PCDH9: variants seen among roughly 807,000 people sequenced by gnomAD.
PCDH9 encodes protocadherin-9.
In PCDH9, 24 loss-of-function variants were observed where a neutral mutation model predicts 70.6. The observed-to-expected ratio is 0.34, with a 90% CI of 0.25 to 0.48. The LOEUF is 0.48. PCDH9 is among the 20% of genes least tolerant of loss of function. The pLI is 0.99. For missense variants in PCDH9, 1,281 were observed against 1,503.6 expected, an observed-to-expected ratio of 0.85 and a Z score of 2.45; for synonymous variants, 562 against 558.5, an observed-to-expected ratio of 1.01 and a Z score of -0.09.
chr13:66,836,961 G>A (rs2081032125), intron 3 of PCDH9, among the ~76,000 whole-genome samples: 1 of 152,108 alleles, frequency 6.6e-6, no homozygotes, highest in African/African-American at 2.4e-5. Context: ...AAAAGCTCCA[G>A]TATTTAAAAT....
chr13:66,848,283 C>CT (rs1336686265), intron 3 of PCDH9, among the ~76,000 whole-genome samples: 1 of 152,152 alleles, frequency 6.6e-6, no homozygotes, highest in Non-Finnish European at 1.5e-5. Flanking sequence ...AACTAACATA[C>CT]TTTTTAAACT....
At chr13:66,989,350 T>C (rs1004152607) in intron 2 of PCDH9, among the ~76,000 whole-genome samples, 5 of 151,930 alleles carry the variant, frequency 3.3e-5, no homozygotes, top group Admixed American at 2.6e-4. Context: ...GAAAGTCACA[T>C]CACTATTAGG....
intron 2 of PCDH9, among the ~76,000 whole-genome samples, chr13:67,088,739 G>T (rs2086158918): frequency 6.6e-6 from 1 of 152,020 alleles, no homozygotes; most frequent in Non-Finnish European, 1.5e-5. Flanking sequence ...TAAGAACTAG[G>T]TGTCCTAAGT....
intron 4 of PCDH9, among the ~76,000 whole-genome samples, chr13:66,483,895 A>G (rs1448351564): frequency 6.6e-6 from 1 of 152,090 alleles, no homozygotes; most frequent in African/African-American, 2.4e-5. Context: ...GGACATCGAG[A>G]GAAGCAGATG....
At chr13:66,963,246 C>A (rs2083377797) in intron 2 of PCDH9, among the ~76,000 whole-genome samples, 1 of 152,170 alleles carries the variant, frequency 6.6e-6, no homozygotes, top group African/African-American at 2.4e-5. Context: ...AGGCCAGAGA[C>A]TGGTACCGGT....
intron 3 of PCDH9, among the ~76,000 whole-genome samples, chr13:66,700,615 T>C (rs1172477878): frequency 6.6e-6 from 1 of 152,080 alleles, no homozygotes; most frequent in Non-Finnish European, 1.5e-5. Flanking sequence ...TTGAAAATAC[T>C]GGTGATTAAT....
chr13:67,069,017 C>T (rs2085706736), intron 2 of PCDH9, among the ~76,000 whole-genome samples: 1 of 152,118 alleles, frequency 6.6e-6, no homozygotes, highest in Non-Finnish European at 1.5e-5. Context: ...GTCTTCCTGA[C>T]ATTTTTAAAA....
chr13:66,732,301 T>A (rs1286325476), intron 3 of PCDH9, among the ~76,000 whole-genome samples: 1 of 151,910 alleles, frequency 6.6e-6, no homozygotes, highest in East Asian at 1.9e-4. Context: ...TATTTTGAAA[T>A]ATACAGTAAA....
At chr13:66,698,918 G>GTTTTTT (rs2078599439) in intron 3 of PCDH9, among the ~76,000 whole-genome samples, 1 of 71,106 alleles carries the variant, frequency 1.4e-5, no homozygotes, top group Non-Finnish European at 2.6e-5. Flanking sequence ...TTTTTTTTTT[G>GTTTTTT]TTGTTGTTGT....
rs111795202 is a variant in PCDH9, at chr13:66,652,518, T to C, written c.3139-21107A>G. Among the ~76,000 whole-genome samples the C allele has an allele frequency of 1.6e-3, 239 of 152,106 alleles. 1 individual carries two copies. The highest frequency in any genetic ancestry group is 5.4e-3 in the African/African-American group (223 of 41,538). On this transcript the variant is annotated intron_variant, in intron 3 of 4. Transcript: ENST00000377865. ...AAGGAAAGATATCTATGTTCATGAATTGGAAGAATCAATATTGTTAAAATG... is the reference window on the plus strand; with the variant it reads ...AAGGAAAGATATCTATGTTCATGAACTGGAAGAATCAATATTGTTAAAATG...
chr13:66,384,452 T>C (rs1462060278), intron 4 of PCDH9, among the ~76,000 whole-genome samples: 2 of 152,200 alleles, frequency 1.3e-5, no homozygotes, highest in African/African-American at 2.4e-5. Flanking sequence ...TAATGCTTGA[T>C]ACACTTACAC....
intron 4 of PCDH9, among the ~76,000 whole-genome samples, chr13:66,483,814 C>A (rs996462501): frequency 2.0e-5 from 3 of 152,156 alleles, no homozygotes; most frequent in Non-Finnish European, 2.9e-5. Flanking sequence ...CAAGACCACC[C>A]TGGCCTGCCA....
intron 3 of PCDH9, among the ~76,000 whole-genome samples, chr13:66,730,876 G>GTTT (rs758928616): frequency 0.037 from 1,710 of 46,268 alleles, 114 homozygotes; most frequent in Admixed American, 0.058. Context: ...GTGTGTGTGT[G>GTTT]TTTTTTTTTT....
rs113339350 is a variant in PCDH9 at position 66,637,881 on chromosome 13, C to G, written c.3139-6470G>C. Among the ~76,000 whole-genome samples the G allele has an allele frequency of 7.8e-3, 1,177 of 151,276 alleles. 19 individuals are homozygous for G. The highest frequency in any genetic ancestry group is 0.027 in the African/African-American group (1,118 of 41,196). ...GTGAGCCGAGATCATGCCACTGAAC[C>G]CTAGCCTGGGCGAGAGAGCAAGACT... On this transcript the variant is annotated intron_variant, in intron 3 of 4. Coordinates refer to ENST00000377865, the MANE Select transcript of PCDH9 (RefSeq NM_203487.3).
intron 2 of PCDH9, among the ~76,000 whole-genome samples, chr13:67,033,115 G>C (rs1175256033): frequency 6.6e-6 from 1 of 152,060 alleles, no homozygotes; most frequent in Admixed American, 6.6e-5. Context: ...CACAGACAAG[G>C]AGGCCATAAA....
At chr13:66,585,348 C>T (rs1021537514) in intron 4 of PCDH9, among the ~76,000 whole-genome samples, 2 of 151,658 alleles carry the variant, frequency 1.3e-5, no homozygotes, top group South Asian at 4.2e-4. Flanking sequence ...ATAGCTAGTA[C>T]CTTTACCATC....
chr13:67,044,447 T>C (rs1468150976), intron 2 of PCDH9, among the ~76,000 whole-genome samples: 1 of 152,144 alleles, frequency 6.6e-6, no homozygotes, highest in Non-Finnish European at 1.5e-5. Context: ...AAAGTATTCA[T>C]TGCATTTCCT....
intron 4 of PCDH9, among the ~76,000 whole-genome samples, chr13:66,535,925 T>C (rs1487975987): frequency 6.6e-6 from 1 of 151,934 alleles, no homozygotes; most frequent in Non-Finnish European, 1.5e-5. Context: ...TTACCAGAAG[T>C]AAGAAAGTTT....
At chr13:67,128,046 G>A (rs965411991) in intron 2 of PCDH9, among the ~76,000 whole-genome samples, 2 of 152,076 alleles carry the variant, frequency 1.3e-5, no homozygotes, top group Non-Finnish European at 2.9e-5. Flanking sequence ...TCTGCAGGTG[G>A]CAGGTAATGT....
Sources: gnomAD v4.1 joint callset for allele counts (sites outside exome capture counted in the v4.1 genomes callset) on GRCh38, gnomAD v4.1.1 for gene constraint, MANE v1.5 for transcripts, NCBI Gene and HGNC (gene_info 2026-07-23, HGNC 2026-07-21) for gene names.